The following GIGYF2 variants were observed in gnomAD, a reference collection of about 807,000 sequenced individuals.
GIGYF2 encodes the protein GRB10-interacting GYF protein 2.
Under a neutral mutation model 208.1 loss-of-function variants are expected in GIGYF2, and 25 were observed. That is an observed-to-expected ratio of 0.12 (90% CI 0.09 to 0.17). The LOEUF is 0.17. GIGYF2 is among the 10% of genes least tolerant of loss of function. The pLI is 1.00. For synonymous variants in GIGYF2, 534 were observed against 543.8 expected (o/e 0.98, Z 0.25); for missense variants, 1,302 against 1,579.4 (o/e 0.82, Z 2.98).
intron 9 of GIGYF2, among the ~76,000 whole-genome samples, chr2:232,789,873 T>C (rs967137741): frequency 1.3e-5 from 2 of 152,132 alleles, no homozygotes; most frequent in African/African-American, 4.8e-5. Flanking sequence ...GGATCTCTTA[T>C]TATTAGGCAA....
chr2:232,775,272 A>G (rs1455705582), intron 8 of GIGYF2, among the ~76,000 whole-genome samples: 2 of 152,162 alleles, frequency 1.3e-5, no homozygotes, highest in East Asian at 1.9e-4. Flanking sequence ...TGTTGGTTAC[A>G]TAGCTGTGTC....
rs534228693 is a variant in GIGYF2, at chr2:232,809,080, A to G, written c.1807-640A>G. ...CTGTCTCAGCCTCCTGAATAGGTGG[A>G]TCTACAGGCATGTGCCACCACACCC... is the stretch of plus-strand genomic sequence containing the variant. On this transcript the variant is annotated intron_variant, in intron 15 of 28. Transcript: ENST00000373563. 5.3e-5 allele frequency among the ~76,000 whole-genome samples: 8 copies of G among 152,116 alleles called. 1 individual carries two copies. The South Asian group carries it at 1.7e-3, about 32-fold the overall frequency.
intron 14 of GIGYF2, among the ~76,000 whole-genome samples, chr2:232,797,981 CAAAAAAAAAAAAAA>C (rs57991158): frequency 1.2e-4 from 12 of 102,378 alleles, no homozygotes; most frequent in Admixed American, 2.1e-4. Context: ...ACTGTGCCTC[CAAAAAAAAAAAAAA>C]AAAAAAAAAA....
At chr2:232,835,036 C>T (rs2106411417) in intron 22 of GIGYF2, among the ~76,000 whole-genome samples, 1 of 152,260 alleles carries the variant, frequency 6.6e-6, no homozygotes, top group South Asian at 2.1e-4. Context: ...GTCCATTATT[C>T]CACTTTGTGT....
In GIGYF2 at chr2:232,796,125, A is replaced by G. The variant is rs376324795; in HGVS notation, c.1543A>G (p.Lys515Glu). Residue 515 changes from lysine to glutamate, a missense_variant, in exon 14 of 29, where the codon AAA becomes GAA. By Grantham distance (56) the Lys-to-Glu change is moderately conservative. Around this residue, in one of 8 missense-constraint regions of GIGYF2, gnomAD observed 69 missense variants for 132.8 expected, o/e 0.52. Coordinates refer to ENST00000373563, the MANE Select transcript of GIGYF2 (RefSeq NM_001103146.3). ...ACTAGATGATGAAAGATTGGCATCA[A>G]AACTGCAAGAGCACAGAGCTAAAGG... Reference protein sequence around the residue: ...SALDDERLASKLQEHRAKGVS... With the variant: ...SALDDERLASELQEHRAKGVS... 1.9e-6 allele frequency: 3 copies of G among 1,604,730 alleles called. No homozygotes were observed. The highest frequency in any genetic ancestry group is 1.3e-5 in the African/African-American group (1 of 74,862).
chr2:232,786,895 G>T (rs1036240599), intron 8 of GIGYF2, among the ~76,000 whole-genome samples: 4 of 152,040 alleles, frequency 2.6e-5, no homozygotes, highest in Non-Finnish European at 5.9e-5. Flanking sequence ...TAGGAAGATG[G>T]ACTTTTCATT....
chr2:232,738,488 G>A (rs11694434), intron 3 of GIGYF2, among the ~76,000 whole-genome samples: 25,132 of 151,878 alleles, frequency 0.17, 2,611 homozygotes, highest in Non-Finnish European at 0.22. Flanking sequence ...TTCATGTTGT[G>A]TATCAAAATG....
At chr2:232,760,667 A>G (rs969294331) in intron 7 of GIGYF2, 76 bp downstream of exon 7, 12 of 881,676 alleles carry the variant, frequency 1.4e-5, no homozygotes, top group Non-Finnish European at 2.1e-5. Context: ...GCGGGGAGAA[A>G]TGTTTTTGTA....
intron 2 of GIGYF2, among the ~76,000 whole-genome samples, chr2:232,714,479 A>G (rs887815734): frequency 8.5e-5 from 13 of 152,088 alleles, no homozygotes; most frequent in African/African-American, 2.2e-4. Context: ...GGTGCAGTCT[A>G]TTTACTTTTA....
At chr2:232,768,376 C>G (rs377146231) in intron 8 of GIGYF2, 3 of 1,614,114 alleles carry the variant, frequency 1.9e-6, no homozygotes, top group Middle Eastern at 1.6e-4. Flanking sequence ...AACAGAGATG[C>G]AAAACAGTGA....
intron 8 of GIGYF2, chr2:232,766,330 C>T: frequency 5.1e-6 from 1 of 194,872 alleles, no homozygotes; most frequent in Non-Finnish European, 1.1e-5. Flanking sequence ...TAATATGAAA[C>T]TCATCTGACT....
chr2:232,729,255 C>T (rs1443855739), intron 2 of GIGYF2, among the ~76,000 whole-genome samples: 1 of 152,134 alleles, frequency 6.6e-6, no homozygotes, highest in Non-Finnish European at 1.5e-5. Flanking sequence ...GCTGAGATTA[C>T]AGGTGTGAGG....
intron 23 of GIGYF2, among the ~76,000 whole-genome samples, chr2:232,840,528 ATT>A (rs1701783844): frequency 5.2e-5 from 1 of 19,080 alleles, no homozygotes; most frequent in Non-Finnish European, 1.3e-4. Flanking sequence ...TTCGGTGCTC[ATT>A]CATTCATTCA....
intron 2 of GIGYF2, among the ~76,000 whole-genome samples, chr2:232,718,823 G>A (rs1696815914): frequency 6.6e-6 from 1 of 152,052 alleles, no homozygotes; most frequent in South Asian, 2.1e-4. Flanking sequence ...TTCTGCTTTT[G>A]GAAAAACGTA....
chr2:232,802,003 C>T (rs1333240029), intron 14 of GIGYF2, among the ~76,000 whole-genome samples: 4 of 152,138 alleles, frequency 2.6e-5, no homozygotes, highest in South Asian at 4.2e-4. Flanking sequence ...TGGTTAATCC[C>T]GAAGTATGTA....
rs140943145 is a variant in GIGYF2 at position 232,773,424 on chromosome 2, A to C, written c.532+11988A>C. The stretch of plus-strand genomic sequence containing the variant: ...TACACAAGGCAAATAGGAGCTTTGG[A>C]TTATTTGGATGGTTATTCAAGTCTA... On this transcript the variant is annotated intron_variant, in intron 8 of 28. Coordinates refer to ENST00000373563, the MANE Select transcript of GIGYF2 (RefSeq NM_001103146.3). Among the ~76,000 whole-genome samples the C allele has an allele frequency of 5.1e-3, 782 of 152,226 alleles. 12 individuals are homozygous for C. The highest frequency in any genetic ancestry group is 0.018 in the African/African-American group (761 of 41,548).
intron 2 of GIGYF2, among the ~76,000 whole-genome samples, chr2:232,713,787 G>C (rs1696540070): frequency 6.6e-6 from 1 of 152,122 alleles, no homozygotes; most frequent in South Asian, 2.1e-4. Context: ...CTGGGGTTAT[G>C]GATTTTTAGA....
rs986733419 is a variant in GIGYF2 at position 232,707,962 on chromosome 2, A to T, written c.-44+4473A>T. On this transcript the variant is annotated intron_variant, in intron 2 of 28. Coordinates refer to ENST00000373563, the MANE Select transcript of GIGYF2 (RefSeq NM_001103146.3). ...CTTTTTGCATTTCTTTTTTTTAATT[A>T]AAAAAAATATTTTTTTTGAGACAAG... is the stretch of plus-strand genomic sequence containing the variant. Among the ~76,000 whole-genome samples the T allele has an allele frequency of 4.0e-5, 6 of 150,966 alleles. No individual in the cohort carries two copies. The East Asian group carries it at 7.8e-4, about 20-fold the overall frequency.
intron 22 of GIGYF2, 23 bp downstream of exon 22, chr2:232,833,116 TAGG>T: frequency 1.3e-6 from 2 of 1,504,186 alleles, no homozygotes; most frequent in South Asian, 2.4e-5. Flanking sequence ...GCATCAACCT[TAGG>T]AGCTCCTTGC....
Sources: allele counts gnomAD v4.1 joint callset (sites outside exome capture counted in the v4.1 genomes callset), GRCh38; gene constraint gnomAD v4.1.1; regional missense constraint gnomAD v4.1.1; transcripts MANE v1.5; gene names NCBI Gene and HGNC (gene_info 2026-07-23, HGNC 2026-07-21).